The following TRMT11 variants were observed in gnomAD, a reference collection of about 807,000 sequenced individuals.
The protein encoded by TRMT11 is tRNA (guanine(10)-N(2))-methyltransferase TRMT11.
TRMT11 carries 53 observed loss-of-function variants against 62.8 expected under a neutral mutation model. The ratio of observed to expected loss-of-function variants is 0.84; its 90% CI spans 0.68 to 1.06. The LOEUF (loss-of-function observed/expected upper bound fraction) is 1.06, where lower values mean the gene tolerates loss of function less well. Among genes scored for constraint, TRMT11 ranks in the 50% least tolerant of loss-of-function variants. The pLI is 0.00. For missense variants in TRMT11, 556 were observed against 553.4 expected (o/e 1.00, Z -0.05); for synonymous variants, 188 against 190.3 (o/e 0.99, Z 0.10).
intron 12 of TRMT11, among the ~76,000 whole-genome samples, chr6:126,026,504 A>G (rs936982398): frequency 6.6e-6 from 1 of 151,710 alleles, no homozygotes; most frequent in Non-Finnish European, 1.5e-5. Flanking sequence ...TCCTTGCCTC[A>G]GCCTCCCGAG....
chr6:126,187,325 A>G (rs917597020), intron 1 of TRMT11, among the ~76,000 whole-genome samples: 1 of 152,026 alleles, frequency 6.6e-6, no homozygotes, highest in Non-Finnish European at 1.5e-5. Flanking sequence ...GCAGCTAACA[A>G]TTGGAAAACA....
chr6:126,140,884 C>T (rs1777909292), intron 21 of TRMT11, among the ~76,000 whole-genome samples: 1 of 151,986 alleles, frequency 6.6e-6, no homozygotes, highest in African/African-American at 2.4e-5. Context: ...CATAATGACA[C>T]CTTCGATTCC....
intron 9 of TRMT11, 144 bp downstream of exon 9, chr6:126,011,561 A>G (rs1477173482): frequency 4.6e-5 from 31 of 678,036 alleles, no homozygotes; most frequent in South Asian, 4.0e-4. Context: ...TCATCTTGTA[A>G]GGAGAAAGTT....
chr6:126,228,579 A>G, the TRMT11 span, among the ~76,000 whole-genome samples: 1 of 152,256 alleles, frequency 6.6e-6, no homozygotes, highest in African/African-American at 2.4e-5. Flanking sequence ...GCTTGTGTTT[A>G]TAAGCCGATC....
At chr6:126,141,944 C>G (rs1250108102) in intron 21 of TRMT11, among the ~76,000 whole-genome samples, 1 of 152,030 alleles carries the variant, frequency 6.6e-6, no homozygotes, top group East Asian at 1.9e-4. Flanking sequence ...AGGGAAAGTG[C>G]TTCCAATTTC....
At chr6:126,266,138 A>G in the TRMT11 span, among the ~76,000 whole-genome samples, 1 of 146,996 alleles carries the variant, frequency 6.8e-6, no homozygotes, top group African/African-American at 2.6e-5. Flanking sequence ...TGGCCCAGGT[A>G]AGTTAAATGA....
At chr6:126,256,687 C>A in the TRMT11 span, among the ~76,000 whole-genome samples, 269 of 152,204 alleles carry the variant, frequency 1.8e-3, no homozygotes, top group African/African-American at 6.3e-3. Flanking sequence ...AACATTGGTC[C>A]ATAATAATTC....
chr6:126,040,275 A>T (rs1231088872), downstream of TRMT11, among the ~76,000 whole-genome samples: 3 of 152,092 alleles, frequency 2.0e-5, no homozygotes, highest in African/African-American at 7.2e-5. Context: ...ACACTTAAAA[A>T]ATATTTGAAA....
intron 2 of TRMT11, among the ~76,000 whole-genome samples, chr6:125,995,324 A>G (rs1197947611): frequency 1.3e-5 from 2 of 152,082 alleles, no homozygotes; most frequent in Non-Finnish European, 2.9e-5. Context: ...TGAGGTCAGG[A>G]TCCTTTTGGA....
At chr6:126,106,219 C>T (rs935913417) in intron 17 of TRMT11, among the ~76,000 whole-genome samples, 2 of 151,878 alleles carry the variant, frequency 1.3e-5, no homozygotes, top group Non-Finnish European at 2.9e-5. Flanking sequence ...TCTCAGCTCA[C>T]TGCAACCTCT....
intron 7 of TRMT11, among the ~76,000 whole-genome samples, chr6:126,000,284 T>C (rs1445748522): frequency 6.6e-6 from 1 of 152,142 alleles, no homozygotes; most frequent in African/African-American, 2.4e-5. Flanking sequence ...ACCCAGCAAA[T>C]ACTTGTATTT....
At chr6:126,242,206 A>T in the TRMT11 span, among the ~76,000 whole-genome samples, 1 of 152,194 alleles carries the variant, frequency 6.6e-6, no homozygotes, top group African/African-American at 2.4e-5. Flanking sequence ...AAAATAAAAT[A>T]CCTAGGAATC....
At chr6:126,149,696 C>T (rs1472420047) in intron 21 of TRMT11, among the ~76,000 whole-genome samples, 1 of 151,906 alleles carries the variant, frequency 6.6e-6, no homozygotes, top group East Asian at 1.9e-4. Flanking sequence ...AGTGCTACCC[C>T]ACTAAGGAGT....
At chr6:126,044,103 G>C (rs1775972950), downstream of TRMT11, among the ~76,000 whole-genome samples, 1 of 151,560 alleles carries the variant, frequency 6.6e-6, no homozygotes, top group African/African-American at 2.4e-5. Flanking sequence ...CATTGCTTTT[G>C]GTGTTTTAGA....
chr6:126,194,797 C>G (rs1778645934), intron 1 of TRMT11, among the ~76,000 whole-genome samples: 1 of 152,042 alleles, frequency 6.6e-6, no homozygotes. Context: ...GAGCATTGGT[C>G]CTAATTTACC....
At chr6:126,070,865 T>G (rs1776830697) in intron 17 of TRMT11, among the ~76,000 whole-genome samples, 1 of 152,192 alleles carries the variant, frequency 6.6e-6, no homozygotes, top group African/African-American at 2.4e-5. Flanking sequence ...GATTAAGAGC[T>G]TGCCTAACAG....
intron 3 of TRMT11, among the ~76,000 whole-genome samples, chr6:126,200,645 C>T (rs1778724429): frequency 6.6e-6 from 1 of 152,164 alleles, no homozygotes; most frequent in African/African-American, 2.4e-5. Context: ...AGCTCCGCCT[C>T]TTGGGTTCAC....
At chr6:126,049,821 T>C (rs1187738212) in intron 16 of TRMT11, among the ~76,000 whole-genome samples, 2 of 152,078 alleles carry the variant, frequency 1.3e-5, no homozygotes, top group Non-Finnish European at 2.9e-5. Context: ...TTCAGTTAAG[T>C]GGAGAGAGGA....
Position 126,026,985 on chromosome 6 carries a change from T to C in TRMT11, c.1260+5705T>C, listed in dbSNP as rs370495186. On this transcript the variant is annotated intron_variant, in intron 12 of 12. Transcript: ENST00000334379. Reference sequence around the variant, plus strand: ...GTCCGGCTAATTTCGTTTTTGTATTTTTAGTAGAGACGGGGTTTCACCATG... The same window carrying C: ...GTCCGGCTAATTTCGTTTTTGTATTCTTAGTAGAGACGGGGTTTCACCATG... Among the ~76,000 whole-genome samples the C allele has an allele frequency of 4.5e-4, 68 of 151,400 alleles. No homozygotes were observed. The East Asian group carries it at 9.1e-3, about 20-fold the overall frequency.
Sources: allele counts gnomAD v4.1 joint callset (sites outside exome capture counted in the v4.1 genomes callset), GRCh38; gene constraint gnomAD v4.1.1; transcripts MANE v1.5; gene names NCBI Gene and HGNC (gene_info 2026-07-23, HGNC 2026-07-21).